POC1B: variants seen among roughly 807,000 people sequenced by gnomAD.
POC1B encodes the protein POC1 centriolar protein B, also known as POC1 centriolar protein homolog B.
A neutral mutation model predicts 60.6 loss-of-function variants in POC1B; 44 were observed. That is an observed-to-expected ratio of 0.73 (90% CI 0.57 to 0.93). The LOEUF (loss-of-function observed/expected upper bound fraction) is 0.93, where lower values mean the gene tolerates loss of function less well. Ranked by LOEUF, POC1B falls within the 40% of genes least tolerant of loss-of-function variation. The pLI, the probability that POC1B is intolerant of heterozygous loss-of-function variation, is 0.00. For missense variants in POC1B, 555 were observed against 572.3 expected, an observed-to-expected ratio of 0.97 and a Z score of 0.31; for synonymous variants, 180 against 198.9, an observed-to-expected ratio of 0.90 and a Z score of 0.80.
intron 2 of POC1B, among the ~76,000 whole-genome samples, chr12:89,499,175 A>T (rs1869414362): frequency 6.6e-6 from 1 of 152,168 alleles, no homozygotes; most frequent in Admixed American, 6.5e-5. Flanking sequence ...ATGGAGGAGG[A>T]GAAGCCATGG....
intron 10 of POC1B, among the ~76,000 whole-genome samples, chr12:89,431,280 A>T (rs1053111701): frequency 5.3e-5 from 8 of 152,232 alleles, no homozygotes; most frequent in Non-Finnish European, 1.0e-4. Context: ...TATCTAAGCC[A>T]AAGTGTTTCC....
intron 10 of POC1B, among the ~76,000 whole-genome samples, chr12:89,452,007 G>A (rs530790935): frequency 5.3e-5 from 8 of 152,258 alleles, no homozygotes; most frequent in South Asian, 4.1e-4. Context: ...AGGGAGCTAC[G>A]GTAGTAATTT....
intron 10 of POC1B, among the ~76,000 whole-genome samples, chr12:89,453,698 C>T (rs1882145881): frequency 6.6e-6 from 1 of 152,206 alleles, no homozygotes; most frequent in Admixed American, 6.5e-5. Flanking sequence ...CTGAAGTTCA[C>T]ATACACTGTG....
intron 2 of POC1B, chr12:89,501,708 AGAG>A (rs1479440512): frequency 2.1e-6 from 2 of 954,390 alleles, no homozygotes; most frequent in African/African-American, 1.6e-5. Context: ...TGGTAAAATC[AGAG>A]GAGAGTCCTG....
intron 10 of POC1B, among the ~76,000 whole-genome samples, chr12:89,436,965 A>G (rs141704270): frequency 1.1e-3 from 166 of 152,236 alleles, no homozygotes; most frequent in Non-Finnish European, 1.3e-3. Context: ...CTGTCCTAAT[A>G]AACAGTGCCA....
At chr12:89,468,352 A>C (rs1882763110) in intron 7 of POC1B, among the ~76,000 whole-genome samples, 1 of 152,228 alleles carries the variant, frequency 6.6e-6, no homozygotes, top group Non-Finnish European at 1.5e-5. Flanking sequence ...CACAGTCACA[A>C]GATGGATAGC....
intron 2 of POC1B, among the ~76,000 whole-genome samples, chr12:89,502,849 G>C (rs1231962740): frequency 1.3e-5 from 2 of 151,834 alleles, no homozygotes; most frequent in African/African-American, 4.8e-5. Flanking sequence ...TAAGTACTGG[G>C]GATTCGTTCT....
At chr12:89,482,696 C>A (rs1868410534) in intron 4 of POC1B, among the ~76,000 whole-genome samples, 1 of 152,158 alleles carries the variant, frequency 6.6e-6, no homozygotes, top group Non-Finnish European at 1.5e-5. Flanking sequence ...CAAAATACTG[C>A]ACACTGGGTA....
chr12:89,457,430 T>G (rs1882304079), intron 10 of POC1B, among the ~76,000 whole-genome samples: 1 of 152,252 alleles, frequency 6.6e-6, no homozygotes, highest in Admixed American at 6.5e-5. Context: ...AGATATTCTT[T>G]TAAAAAGTCT....
At chr12:89,438,239 C>T (rs1007000252) in intron 10 of POC1B, among the ~76,000 whole-genome samples, 3 of 151,890 alleles carry the variant, frequency 2.0e-5, no homozygotes, top group Non-Finnish European at 1.5e-5. Flanking sequence ...GGGCGGATCA[C>T]GAGGTCAGAA....
At chr12:89,511,190 A>T (rs1036312822) in intron 2 of POC1B, among the ~76,000 whole-genome samples, 1 of 151,968 alleles carries the variant, frequency 6.6e-6, no homozygotes, top group Non-Finnish European at 1.5e-5. Flanking sequence ...TGGGAGGCTG[A>T]GGCGGGTAGA....
At chr12:89,459,928 T>G in intron 9 of POC1B, 1 of 492,986 alleles carries the variant, frequency 2.0e-6, no homozygotes, top group Admixed American at 3.4e-5. Context: ...TAAGGTTGAA[T>G]TCACCCCAGA....
chr12:89,459,180 G>C (rs184232165), intron 10 of POC1B, among the ~76,000 whole-genome samples: 4 of 152,006 alleles, frequency 2.6e-5, no homozygotes, highest in South Asian at 2.1e-4. Flanking sequence ...GAGACAGTGG[G>C]TATGGATTAG....
chr12:89,473,149 T>C (rs1244977274), intron 4 of POC1B, among the ~76,000 whole-genome samples: 1 of 152,218 alleles, frequency 6.6e-6, no homozygotes, highest in Non-Finnish European at 1.5e-5. Flanking sequence ...GGTCACAGAC[T>C]ATATTTCAAT....
chr12:89,430,548 A>G (rs76732840), intron 10 of POC1B, among the ~76,000 whole-genome samples: 2,858 of 152,252 alleles, frequency 0.019, 100 homozygotes, highest in African/African-American at 0.065. Context: ...AAGTTCATAC[A>G]TTATATCTAC....
chr12:89,414,973 T>C (rs1880340941), downstream of POC1B, among the ~76,000 whole-genome samples: 1 of 148,436 alleles, frequency 6.7e-6, no homozygotes, highest in African/African-American at 2.4e-5. Flanking sequence ...AGGGCAAAAA[T>C]AGTTTGAGTT....
At chr12:89,452,266 T>C (rs894302016) in intron 10 of POC1B, among the ~76,000 whole-genome samples, 4 of 152,078 alleles carry the variant, frequency 2.6e-5, no homozygotes, top group Admixed American at 6.6e-5. Context: ...AGAAATACAG[T>C]ATCTCAGCAA....
In POC1B at chr12:89,525,979, T is replaced by C; in HGVS notation, c.-84A>G. The C allele has an allele frequency of 6.5e-7, 1 of 1,544,460 alleles. No homozygotes were observed. Among genetic ancestry groups the C allele is most frequent in the East Asian group, 2.5e-5 (1 of 40,674 alleles). ...GAGGATGGGGAAGGAGAGGGGACCG[T>C]GCGGCTCCCGGAACCGTCTGCCCAG... On this transcript the variant is annotated 5_prime_UTR_variant, in exon 1 of 12. Transcript: ENST00000313546.
At chr12:89,442,104 G>A (rs1881549872) in intron 10 of POC1B, among the ~76,000 whole-genome samples, 1 of 152,218 alleles carries the variant, frequency 6.6e-6, no homozygotes, top group African/African-American at 2.4e-5. Context: ...ACGGGACTAT[G>A]TGAAAAGACC....
Sources: gnomAD v4.1 joint callset for allele counts (sites outside exome capture counted in the v4.1 genomes callset) on GRCh38, gnomAD v4.1.1 for gene constraint, MANE v1.5 for transcripts, NCBI Gene and HGNC (gene_info 2026-07-23, HGNC 2026-07-21) for gene names.